ATM: variants seen among roughly 807,000 people sequenced by gnomAD.
ATM encodes the protein serine-protein kinase ATM.
A neutral mutation model predicts 387.0 loss-of-function variants in ATM; 308 were observed. That is an observed-to-expected ratio of 0.80 (90% CI 0.73 to 0.87). The LOEUF (loss-of-function observed/expected upper bound fraction) is 0.87. Among genes scored for constraint, ATM ranks in the 40% least tolerant of loss-of-function variants. The pLI, the probability that ATM is intolerant of heterozygous loss-of-function variation, is 0.00. For missense variants in ATM, 3,312 were observed against 3,560.9 expected (o/e 0.93, Z 1.78); for synonymous variants, 1,156 against 1,187.3 (o/e 0.97, Z 0.54).
chr11:108,299,315 C>CTCTTT (rs2083290225), intron 33 of ATM, among the ~76,000 whole-genome samples: 1 of 143,334 alleles, frequency 7.0e-6, no homozygotes, highest in African/African-American at 2.6e-5. Context: ...TTCTCTCTCT[C>CTCTTT]TTTTTTTTTT....
chr11:108,276,743 T>G (rs1362022672), intron 22 of ATM, among the ~76,000 whole-genome samples: 1 of 152,148 alleles, frequency 6.6e-6, no homozygotes, highest in African/African-American at 2.4e-5. Flanking sequence ...GGAAGGTTCG[T>G]CCCAGAGCGG....
intron 1 of ATM, chr11:108,224,077 C>T (rs533572400): frequency 6.6e-6 from 1 of 152,304 alleles, no homozygotes; most frequent in African/African-American, 2.4e-5. Context: ...TCATTGCTAA[C>T]ATTTGCTGTG....
rs746296827 is a variant in ATM at position 108,292,649 on chromosome 11, T to C, written c.4467T>C (p.Arg1489=). The change falls in exon 30 of 63, where the codon CGT becomes CGC. Residue 1489 remains arginine (R), a synonymous_variant. Coordinates refer to ENST00000675843, the MANE Select transcript of ATM (RefSeq NM_000051.4). ...CTTGTATCATGGATGTGTCATTACG[T>C]AGCTTCTCCCTTTGTTGTGACTTAT... ...RPSCIMDVSL[R]SFSLCCDLLS... 3 of 1,613,966 alleles carry C rather than the reference T, an allele frequency of 1.9e-6. No individual in the cohort carries two copies. The highest frequency in any genetic ancestry group is 2.5e-6 in the Non-Finnish European group (3 of 1,179,970).
At chr11:108,347,204 T>C in intron 58 of ATM, 75 bp from the exon 59 acceptor site, 1 of 1,128,732 alleles carries the variant, frequency 8.9e-7, no homozygotes, top group Non-Finnish European at 1.4e-6. Flanking sequence ...TCAGTGGTCT[T>C]AATTGAAATT....
chr11:108,360,226 C>T (rs1396055863), intron 61 of ATM, among the ~76,000 whole-genome samples: 3 of 149,916 alleles, frequency 2.0e-5, no homozygotes, highest in East Asian at 2.0e-4. Flanking sequence ...GACACATACA[C>T]TCTCCCAAGA....
Position 108,325,415 on chromosome 11 carries a change from A to G in ATM, c.6678A>G (p.Leu2226=), listed in dbSNP as rs772173373. The G allele has an allele frequency of 5.0e-6, 8 of 1,613,850 alleles. No individual in the cohort carries two copies. In the East Asian group the frequency reaches 1.6e-4, roughly 31 times the overall value. The change falls in exon 46 of 63, where the codon CTA becomes CTG. Residue 2226 remains leucine, a synonymous_variant. Transcript: ENST00000675843. ...DFSFQEPIMA[L]RTVILEILME... The stretch of plus-strand genomic sequence containing the variant: ...GTTTTCAGGAGCCTATCATGGCTCT[A>G]CGCACAGTCATTTTGGAGATCCTGA...
chr11:108,226,048 CTGT>C (rs1410375572), intron 1 of ATM: 2 of 152,052 alleles, frequency 1.3e-5, no homozygotes, highest in African/African-American at 2.4e-5. Context: ...TATTTTTTCT[CTGT>C]TTACAGACAT....
intron 32 of ATM, chr11:108,295,333 GT>G (rs754503110): frequency 0.041 from 11,667 of 284,044 alleles, no homozygotes; most frequent in South Asian, 0.071. Context: ...AAGAGACAGA[GT>G]TTTTTTTTTT....
chr11:108,324,847 C>T (rs1177884313), intron 45 of ATM, among the ~76,000 whole-genome samples: 8 of 152,172 alleles, frequency 5.3e-5, no homozygotes, highest in African/African-American at 1.7e-4. Flanking sequence ...GCTTTTCCTT[C>T]ACTGGATTGT....
chr11:108,250,618 AAG>A, intron 9 of ATM, 81 bp from the exon 10 acceptor site: 2 of 1,386,366 alleles, frequency 1.4e-6, no homozygotes, highest in Non-Finnish European at 1.0e-6. Context: ...AGGATATTGT[AAG>A]AGTACCATGT....
At position 108,292,797 on chromosome 11, in the gene ATM, A is replaced by G. The variant is rs1591674933; in HGVS notation, c.4611+4A>G. On this transcript the variant is annotated splice_donor_region_variant and intron_variant, in intron 30 of 62. Coordinates refer to ENST00000675843, the MANE Select transcript of ATM (RefSeq NM_000051.4). ...GCAGGTGGAGGTTCAGAAACAGGTAATTTTCTGACTCATCTTCAAAATGGT... is the reference window on the plus strand; with the variant it reads ...GCAGGTGGAGGTTCAGAAACAGGTAGTTTTCTGACTCATCTTCAAAATGGT... 3.1e-6 allele frequency: 5 copies of G among 1,613,296 alleles called. No individual in the cohort carries two copies. In the South Asian group the frequency reaches 3.3e-5, roughly 11 times the overall value.
chr11:108,286,126 G>A (rs1226887929), intron 26 of ATM, among the ~76,000 whole-genome samples: 1 of 151,972 alleles, frequency 6.6e-6, no homozygotes, highest in Non-Finnish European at 1.5e-5. Flanking sequence ...GAGATCAGGA[G>A]TTCAAGACCA....
chr11:108,224,416 G>T (rs1438035404), intron 1 of ATM: 1 of 152,200 alleles, frequency 6.6e-6, no homozygotes, highest in Non-Finnish European at 1.5e-5. Flanking sequence ...CAATTCAGAG[G>T]CTCGTAGGAA....
chr11:108,238,484 A>T (rs769092916), intron 5 of ATM, among the ~76,000 whole-genome samples: 30 of 152,170 alleles, frequency 2.0e-4, no homozygotes, highest in Non-Finnish European at 2.9e-4. Context: ...TTGTATAAAC[A>T]TAAAGATTTT....
intron 37 of ATM, among the ~76,000 whole-genome samples, chr11:108,305,109 A>G (rs147708288): frequency 1.6e-4 from 25 of 152,352 alleles, no homozygotes; most frequent in Non-Finnish European, 3.1e-4. Flanking sequence ...TAATGGGTCA[A>G]CTAATTGAGC....
chr11:108,233,051 G>A (rs1297933288), intron 4 of ATM, among the ~76,000 whole-genome samples: 5 of 151,760 alleles, frequency 3.3e-5, no homozygotes, highest in African/African-American at 1.2e-4. Flanking sequence ...TAGTAGAGAC[G>A]GGGTTTCACC....
rs2137901081 is a variant in ATM at position 108,365,309 on chromosome 11, G to C, written c.8988-16G>C. The C allele has an allele frequency of 6.2e-7, 1 of 1,614,146 alleles. No individual in the cohort carries two copies. The highest frequency in any genetic ancestry group is 1.1e-5 in the South Asian group (1 of 91,080). Reference sequence around the variant, plus strand: ...AACTGTTCACCTCACTGAAACCTTTGTGTTTTTGTCCTTAGTGATATTGAC... The same window carrying C: ...AACTGTTCACCTCACTGAAACCTTTCTGTTTTTGTCCTTAGTGATATTGAC... On this transcript the variant is annotated splice_polypyrimidine_tract_variant and intron_variant, in intron 62 of 62. Transcript: ENST00000675843.
At chr11:108,297,734 G>T (rs1028143604) in intron 33 of ATM, among the ~76,000 whole-genome samples, 2 of 151,992 alleles carry the variant, frequency 1.3e-5, no homozygotes, top group Non-Finnish European at 2.9e-5. Context: ...AATAAGTGAG[G>T]GTTTGTCATT....
intron 61 of ATM, among the ~76,000 whole-genome samples, chr11:108,360,825 C>G (rs2090641972): frequency 9.7e-6 from 1 of 102,620 alleles, no homozygotes; most frequent in Non-Finnish European, 1.9e-5. Flanking sequence ...CTATGACAAA[C>G]CCAGAGCCAA....
Sources: gnomAD v4.1 joint callset for allele counts (sites outside exome capture counted in the v4.1 genomes callset) on GRCh38, gnomAD v4.1.1 for gene constraint, MANE v1.5 for transcripts, NCBI Gene and HGNC (gene_info 2026-07-23, HGNC 2026-07-21) for gene names.